DPP6: variants seen among roughly 807,000 people sequenced by gnomAD.
DPP6 encodes the protein A-type potassium channel modulatory protein DPP6.
A neutral mutation model predicts 122.6 loss-of-function variants in DPP6; 69 were observed. The observed-to-expected ratio is 0.56, with a 90% CI of 0.46 to 0.69. DPP6 has a LOEUF of 0.69. DPP6 is among the 30% of genes least tolerant of loss of function. The pLI, the probability that DPP6 is intolerant of heterozygous loss-of-function variation, is 0.00. For missense variants in DPP6, 928 were observed against 1,116.9 expected, an observed-to-expected ratio of 0.83 and a Z score of 2.41; for synonymous variants, 418 against 433.1, an observed-to-expected ratio of 0.97 and a Z score of 0.43.
At chr7:153,844,395 G>A in the DPP6 span, among the ~76,000 whole-genome samples, 1 of 152,170 alleles carries the variant, frequency 6.6e-6, no homozygotes, top group East Asian at 1.9e-4. Context: ...ATTATACACA[G>A]AACAAAATTA....
At chr7:154,718,285 T>C (rs1645785439) in intron 7 of DPP6, among the ~76,000 whole-genome samples, 1 of 143,960 alleles carries the variant, frequency 6.9e-6, no homozygotes, top group South Asian at 2.2e-4. Flanking sequence ...TTTGTGTTTG[T>C]GCCTGTGCCT....
At chr7:153,896,808 G>A (rs951118386) in intron 1 of DPP6, among the ~76,000 whole-genome samples, 8 of 152,228 alleles carry the variant, frequency 5.3e-5, no homozygotes, top group East Asian at 1.9e-4. Context: ...GCAAGACCCC[G>A]TTTCTTTAAA....
At chr7:154,387,703 A>T (rs747136772) in intron 1 of DPP6, among the ~76,000 whole-genome samples, 29 of 152,006 alleles carry the variant, frequency 1.9e-4, no homozygotes, top group Non-Finnish European at 4.0e-4. Flanking sequence ...ACCGAGCCCC[A>T]CAGCCCCTGC....
chr7:154,617,272 G>A (rs1201303071), intron 5 of DPP6, among the ~76,000 whole-genome samples: 1 of 152,156 alleles, frequency 6.6e-6, no homozygotes, highest in Non-Finnish European at 1.5e-5. Flanking sequence ...TCCACCCCAT[G>A]GTCCACTCTG....
At chr7:153,890,524 T>C (rs1563210064) in intron 1 of DPP6, among the ~76,000 whole-genome samples, 1 of 152,162 alleles carries the variant, frequency 6.6e-6, no homozygotes, top group Non-Finnish European at 1.5e-5. Context: ...TCTTATAAAA[T>C]CTTTAAAAAA....
intron 1 of DPP6, among the ~76,000 whole-genome samples, chr7:153,924,341 T>C (rs926554347): frequency 1.3e-5 from 2 of 152,072 alleles, no homozygotes; most frequent in Non-Finnish European, 2.9e-5. Context: ...TCTCCTGACC[T>C]TGTGATCTGC....
chr7:153,890,267 G>C (rs779363219), intron 1 of DPP6, among the ~76,000 whole-genome samples: 1 of 152,164 alleles, frequency 6.6e-6, no homozygotes, highest in African/African-American at 2.4e-5. Flanking sequence ...GTCTGGACTC[G>C]CATTTGAGGT....
chr7:153,924,778 T>C (rs1038821012), intron 1 of DPP6, among the ~76,000 whole-genome samples: 67 of 152,262 alleles, frequency 4.4e-4, no homozygotes, highest in African/African-American at 1.5e-3. Context: ...TGCAGGACGT[T>C]GTGTGTGCCC....
At chr7:154,812,072 G>A (rs190484061) in intron 16 of DPP6, among the ~76,000 whole-genome samples, 1 of 152,326 alleles carries the variant, frequency 6.6e-6, no homozygotes, top group East Asian at 1.9e-4. Context: ...AAGTAGTTCA[G>A]GTTGTCTGGG....
the DPP6 span, among the ~76,000 whole-genome samples, chr7:153,849,842 TACAA>T: frequency 3.9e-5 from 6 of 152,214 alleles, no homozygotes; most frequent in Admixed American, 3.9e-4. Context: ...GTATTTTCTT[TACAA>T]ACATTTTCAT....
chr7:154,841,458 C>T (rs1269013127), intron 16 of DPP6, among the ~76,000 whole-genome samples: 3 of 152,054 alleles, frequency 2.0e-5, no homozygotes, highest in Non-Finnish European at 2.9e-5. Flanking sequence ...CACCTGAAAA[C>T]GTCACTCCAA....
intron 1 of DPP6, among the ~76,000 whole-genome samples, chr7:154,032,597 C>A (rs1310271252): frequency 6.6e-6 from 1 of 152,080 alleles, no homozygotes; most frequent in African/African-American, 2.4e-5. Flanking sequence ...AATATAAATA[C>A]ATTTTATTTT....
rs572222248 is a variant in DPP6, at chr7:154,609,733, G to T, written c.628-28088G>T. On this transcript the variant is annotated intron_variant, in intron 5 of 25. Coordinates refer to ENST00000377770, the MANE Select transcript of DPP6 (RefSeq NM_130797.4). ...AACTTCCTTGTCTGTAGGAAGATAT[G>T]TGTGCACCTGGCCTCTTTGCTGTTC... is the stretch of plus-strand genomic sequence containing the variant. 3.2e-4 allele frequency among the ~76,000 whole-genome samples: 48 copies of T among 152,294 alleles called. 1 individual carries two copies. Among genetic ancestry groups the T allele is most frequent in the African/African-American group, 1.1e-3 (46 of 41,558 alleles).
intron 1 of DPP6, among the ~76,000 whole-genome samples, chr7:154,140,935 C>T (rs527885561): frequency 7.2e-5 from 11 of 152,288 alleles, no homozygotes; most frequent in East Asian, 1.9e-4. Flanking sequence ...AAGTAATCTC[C>T]GAAGTCTTTT....
intron 17 of DPP6, among the ~76,000 whole-genome samples, chr7:154,856,768 G>A (rs1056591282): frequency 5.9e-5 from 9 of 152,342 alleles, no homozygotes; most frequent in South Asian, 2.1e-4. Context: ...GCATTTCGCC[G>A]TTTGCAGTTG....
chr7:153,804,174 T>C, the DPP6 span, among the ~76,000 whole-genome samples: 222 of 151,504 alleles, frequency 1.5e-3, 1 homozygote, highest in Non-Finnish European at 2.4e-3. Flanking sequence ...CTCAGCCTCG[T>C]GAGTAGCTGG....
At chr7:153,984,665 C>G (rs1010382582) in intron 1 of DPP6, among the ~76,000 whole-genome samples, 1 of 152,146 alleles carries the variant, frequency 6.6e-6, no homozygotes, top group Admixed American at 6.5e-5. Flanking sequence ...GTACAGTGTA[C>G]TGATACCATT....
At chr7:153,897,012 C>T (rs569053954) in intron 1 of DPP6, among the ~76,000 whole-genome samples, 4 of 152,208 alleles carry the variant, frequency 2.6e-5, no homozygotes, top group African/African-American at 9.6e-5. Flanking sequence ...AAGATCTCCA[C>T]CCTTTCATTT....
intron 1 of DPP6, among the ~76,000 whole-genome samples, chr7:154,291,654 A>G (rs900644745): frequency 6.6e-6 from 1 of 152,142 alleles, no homozygotes; most frequent in African/African-American, 2.4e-5. Flanking sequence ...TCAGGTTCCT[A>G]CAATGGAAAA....
Sources: allele counts gnomAD v4.1 joint callset (sites outside exome capture counted in the v4.1 genomes callset), GRCh38; gene constraint gnomAD v4.1.1; transcripts MANE v1.5; gene names NCBI Gene and HGNC (gene_info 2026-07-23, HGNC 2026-07-21).